EPHA3: variants seen among roughly 807,000 people sequenced by gnomAD.
EPHA3 encodes ephrin type-A receptor 3.
A neutral mutation model predicts 107.1 loss-of-function variants in EPHA3; 42 were observed. The ratio of observed to expected loss-of-function variants is 0.39; its 90% CI spans 0.31 to 0.51. The LOEUF (loss-of-function observed/expected upper bound fraction) is 0.51. EPHA3 is among the 20% of genes least tolerant of loss of function. The pLI, the probability that EPHA3 is intolerant of heterozygous loss-of-function variation, is 0.78. For missense variants in EPHA3, 1,183 were observed against 1,211.2 expected, an observed-to-expected ratio of 0.98 and a Z score of 0.35; for synonymous variants, 461 against 424.8, an observed-to-expected ratio of 1.09 and a Z score of -1.05.
chr3:89,472,448 G>GT lies in EPHA3; in HGVS notation c.2691-8dup, dbSNP rs201597924. On this transcript the variant is annotated splice_polypyrimidine_tract_variant and intron_variant, in intron 15 of 16. Coordinates refer to ENST00000336596, the MANE Select transcript of EPHA3 (RefSeq NM_005233.6). Reference sequence around the variant, plus strand: ...GACTCCTGATCTGTCTCCCTTTGGTGTTTTTTTTCTTGCAGGCCATCAAAC... The same window carrying GT: ...GACTCCTGATCTGTCTCCCTTTGGTGTTTTTTTTTCTTGCAGGCCATCAAAC... 34 of 1,601,472 alleles carry GT rather than the reference G, an allele frequency of 2.1e-5. No homozygotes were observed. The Middle Eastern group carries it at 5.0e-4, about 23-fold the overall frequency.
intron 2 of EPHA3, among the ~76,000 whole-genome samples, chr3:89,208,482 G>GAAAGAAAGAAAGAAAGAA (rs796550208): frequency 4.7e-5 from 6 of 127,114 alleles, no homozygotes; most frequent in Admixed American, 2.4e-4. Context: ...AAGAAAGAAA[G>GAAAGAAAGAAAGAAAGAA]AGAAAAAGAA....
intron 5 of EPHA3, among the ~76,000 whole-genome samples, chr3:89,369,307 G>A (rs1208170877): frequency 6.6e-6 from 1 of 150,660 alleles, no homozygotes; most frequent in Non-Finnish European, 1.5e-5. Flanking sequence ...CAGAGATATA[G>A]ATCAATGGAA....
intron 3 of EPHA3, among the ~76,000 whole-genome samples, chr3:89,215,473 T>C (rs1293938816): frequency 2.6e-5 from 4 of 151,898 alleles, no homozygotes; most frequent in Non-Finnish European, 5.9e-5. Context: ...AAAATAGAAA[T>C]GTGAATTCTT....
At chr3:89,328,725 C>T (rs771215929) in intron 3 of EPHA3, among the ~76,000 whole-genome samples, 1 of 152,118 alleles carries the variant, frequency 6.6e-6, no homozygotes, top group African/African-American at 2.4e-5. Context: ...GCACTTAATA[C>T]CTTTAAGCCC....
At chr3:89,389,298 T>C (rs1708680762) in intron 5 of EPHA3, among the ~76,000 whole-genome samples, 1 of 152,124 alleles carries the variant, frequency 6.6e-6, no homozygotes, top group Admixed American at 6.5e-5. Context: ...GAGAAGGAAA[T>C]GTTCCTCAGT....
chr3:89,115,524 G>A (rs1707231717), intron 1 of EPHA3, among the ~76,000 whole-genome samples: 1 of 152,110 alleles, frequency 6.6e-6, no homozygotes, highest in Non-Finnish European at 1.5e-5. Context: ...TGTTTCTGTG[G>A]CTGTGTTAGA....
At chr3:89,258,305 A>T (rs1476866072) in intron 3 of EPHA3, among the ~76,000 whole-genome samples, 1 of 152,216 alleles carries the variant, frequency 6.6e-6, no homozygotes, top group African/African-American at 2.4e-5. Context: ...GTGATATGTG[A>T]TCTTGACTGG....
At chr3:89,405,743 G>T (rs547542524) in intron 7 of EPHA3, among the ~76,000 whole-genome samples, 3 of 152,076 alleles carry the variant, frequency 2.0e-5, no homozygotes, top group Non-Finnish European at 4.4e-5. Flanking sequence ...GAGTCCTGAG[G>T]TATTCATGTA....
At chr3:89,236,490 G>A (rs1354268665) in intron 3 of EPHA3, among the ~76,000 whole-genome samples, 4 of 144,924 alleles carry the variant, frequency 2.8e-5, no homozygotes, top group South Asian at 2.2e-4. Flanking sequence ...AACTGTGTAC[G>A]AAATTTAGCA....
intron 15 of EPHA3, among the ~76,000 whole-genome samples, chr3:89,453,496 GAA>G (rs927242023): frequency 6.6e-6 from 1 of 151,456 alleles, no homozygotes; most frequent in East Asian, 1.9e-4. Flanking sequence ...CATAATTTTA[GAA>G]AAAAATCAAT....
chr3:89,304,021 C>A (rs1302651311), intron 3 of EPHA3, among the ~76,000 whole-genome samples: 3 of 152,012 alleles, frequency 2.0e-5, no homozygotes, highest in Non-Finnish European at 4.4e-5. Flanking sequence ...ATCTTTAGAC[C>A]ATTTTCTTCT....
chr3:89,298,628 GA>G (rs1390435212), intron 3 of EPHA3, among the ~76,000 whole-genome samples: 1 of 152,040 alleles, frequency 6.6e-6, no homozygotes, highest in African/African-American at 2.4e-5. Context: ...AGGATTCAAG[GA>G]TTAAGTTTTG....
intron 2 of EPHA3, among the ~76,000 whole-genome samples, chr3:89,168,486 G>A (rs1190657373): frequency 6.6e-6 from 1 of 151,996 alleles, no homozygotes; most frequent in African/African-American, 2.4e-5. Flanking sequence ...CAGCATTGAT[G>A]TTTATTTATA....
At chr3:89,402,714 G>A (rs1576360715) in intron 7 of EPHA3, among the ~76,000 whole-genome samples, 1 of 151,226 alleles carries the variant, frequency 6.6e-6, no homozygotes, top group Non-Finnish European at 1.5e-5. Flanking sequence ...ATTCTTTTTT[G>A]AGACCAAGTC....
intron 2 of EPHA3, among the ~76,000 whole-genome samples, chr3:89,191,230 A>C (rs1451513969): frequency 6.6e-6 from 1 of 152,132 alleles, no homozygotes; most frequent in Non-Finnish European, 1.5e-5. Flanking sequence ...TGCACTCTCC[A>C]GCTTACCAGA....
intron 3 of EPHA3, among the ~76,000 whole-genome samples, chr3:89,313,666 C>T (rs914471370): frequency 1.3e-5 from 2 of 151,736 alleles, no homozygotes; most frequent in African/African-American, 2.4e-5. Context: ...TGTATTATAT[C>T]ATATATTTTA....
At chr3:89,350,150 G>C (rs1002657544) in intron 5 of EPHA3, among the ~76,000 whole-genome samples, 6 of 150,406 alleles carry the variant, frequency 4.0e-5, no homozygotes, top group African/African-American at 7.3e-5. Context: ...TTTCCTGAAT[G>C]TGAACGTTGG....
intron 5 of EPHA3, among the ~76,000 whole-genome samples, chr3:89,361,086 A>G (rs573455224): frequency 2.0e-5 from 3 of 151,158 alleles, no homozygotes; most frequent in Non-Finnish European, 4.4e-5. Flanking sequence ...TCTTGCATAT[A>G]AAATATTCAT....
At chr3:89,250,584 T>G (rs928049674) in intron 3 of EPHA3, among the ~76,000 whole-genome samples, 3 of 152,180 alleles carry the variant, frequency 2.0e-5, no homozygotes, top group African/African-American at 7.2e-5. Flanking sequence ...TTACTTTCTG[T>G]TCTTATCCCC....
Sources: gnomAD v4.1 joint callset for allele counts (sites outside exome capture counted in the v4.1 genomes callset) on GRCh38, gnomAD v4.1.1 for gene constraint, MANE v1.5 for transcripts, NCBI Gene and HGNC (gene_info 2026-07-23, HGNC 2026-07-21) for gene names.